MMP15: variants seen among roughly 807,000 people sequenced by gnomAD.
The protein encoded by MMP15 is matrix metallopeptidase 15, also known as matrix metalloproteinase-15.
In MMP15, 36 loss-of-function variants were observed where a neutral mutation model predicts 65.0. The observed-to-expected ratio is 0.55, with a 90% CI of 0.42 to 0.73. The LOEUF is 0.73. Ranked by LOEUF, MMP15 falls within the 30% of genes least tolerant of loss-of-function variation. The pLI, the probability that MMP15 is intolerant of heterozygous loss-of-function variation, is 0.00. For missense variants in MMP15, 870 were observed against 987.8 expected, an observed-to-expected ratio of 0.88 and a Z score of 1.60; for synonymous variants, 428 against 410.2, an observed-to-expected ratio of 1.04 and a Z score of -0.52.
intron 3 of MMP15, among the ~76,000 whole-genome samples, chr16:58,039,216 T>C (rs887843970): frequency 6.6e-6 from 1 of 152,226 alleles, no homozygotes; most frequent in African/African-American, 2.4e-5. Flanking sequence ...GTGGATCAGC[T>C]GAGGTCGGGA....
intron 2 of MMP15, 107 bp downstream of exon 2, chr16:58,037,727 G>C (rs1959362895): frequency 1.3e-6 from 2 of 1,494,380 alleles, no homozygotes; most frequent in African/African-American, 2.8e-5. Context: ...GCCTAGATAA[G>C]AGATGCCAAA....
chr16:58,032,700 G>A (rs1383694302), intron 1 of MMP15, among the ~76,000 whole-genome samples: 1 of 152,186 alleles, frequency 6.6e-6, no homozygotes, highest in Non-Finnish European at 1.5e-5. Context: ...ACAGAGCTGG[G>A]CACAGCCTTG....
At chr16:58,034,671 C>T (rs1959294884) in intron 1 of MMP15, among the ~76,000 whole-genome samples, 1 of 152,202 alleles carries the variant, frequency 6.6e-6, no homozygotes, top group Admixed American at 6.5e-5. Flanking sequence ...CCAAGGGGTG[C>T]CCCCATCCTC....
chr16:58,030,923 T>A (rs527620265), intron 1 of MMP15, among the ~76,000 whole-genome samples: 9 of 152,188 alleles, frequency 5.9e-5, no homozygotes, highest in African/African-American at 1.9e-4. Flanking sequence ...TTCATTGCAT[T>A]TATGTGCAAA....
chr16:58,030,553 C>A (rs1305602543), intron 1 of MMP15, among the ~76,000 whole-genome samples: 1 of 152,178 alleles, frequency 6.6e-6, no homozygotes, highest in Admixed American at 6.5e-5. Context: ...TTAGCCAGCC[C>A]CTGGAGATGC....
chr16:58,026,365 G>T lies in MMP15; in HGVS notation c.15G>T (p.Pro5=). The T allele has an allele frequency of 7.3e-7, 1 of 1,364,574 alleles. No individual in the cohort carries two copies. Among genetic ancestry groups the T allele is most frequent in the Non-Finnish European group, 9.4e-7 (1 of 1,066,506 alleles). The allele number at this position is 1,364,574 out of a possible 1,614,324, so 84.5% of individuals were successfully genotyped here. The change falls in exon 1 of 10, where the codon CCG becomes CCT. Residue 5 remains proline (P), a synonymous_variant. Transcript: ENST00000219271. MGSD[P]SAPGRPGWTG... The stretch of plus-strand genomic sequence containing the variant: ...GCGCCGAGAGCATGGGCAGCGACCC[G>T]AGCGCGCCCGGACGGCCGGGCTGGA...
Position 58,042,272 on chromosome 16 carries a change from C to G in MMP15, c.1206C>G (p.Asp402Glu), listed in dbSNP as rs2142330991. Reference protein sequence around the residue: ...FWRVRHNRVLDNYPMPIGHFW... With the variant: ...FWRVRHNRVLENYPMPIGHFW... Reference sequence around the variant, plus strand: ...GAGTCCGGCACAACCGCGTCCTGGACAACTATCCCATGCCCATCGGGCACT... The same window carrying G: ...GAGTCCGGCACAACCGCGTCCTGGAGAACTATCCCATGCCCATCGGGCACT... Residue 402 changes from aspartate to glutamate, a missense_variant, in exon 7 of 10, where the codon GAC becomes GAG. Physicochemically the swap from Asp to Glu is conservative, Grantham distance 45 (BLOSUM62 2). Transcript: ENST00000219271. The G allele has an allele frequency of 6.2e-7, 1 of 1,614,210 alleles. No individual in the cohort carries two copies. Among genetic ancestry groups the G allele is most frequent in the East Asian group, 2.2e-5 (1 of 44,882 alleles).
Position 58,040,704 on chromosome 16 carries a change from T to C in MMP15, c.910+6T>C, listed in dbSNP as rs755452379. 6.2e-7 allele frequency: 1 copy of C among 1,614,052 alleles called. No individual in the cohort carries two copies. The highest frequency in any genetic ancestry group is 8.5e-7 in the Non-Finnish European group (1 of 1,180,046). ...TGGCATCCAGCAGCTCTACGGTGCGTGGGCTGTGACCAGCGGGCTCTGCAT... is the reference window on the plus strand; with the variant it reads ...TGGCATCCAGCAGCTCTACGGTGCGCGGGCTGTGACCAGCGGGCTCTGCAT... On this transcript the variant is annotated splice_donor_region_variant and intron_variant, in intron 5 of 9. Transcript: ENST00000219271.
At position 58,028,792 on chromosome 16, in the gene MMP15, G is replaced by A. The variant is rs3784903; in HGVS notation, c.162+2280G>A. Among the ~76,000 whole-genome samples, 10 of 152,316 alleles carry A rather than the reference G, an allele frequency of 6.6e-5. No individual in the cohort carries two copies. In the East Asian group the frequency reaches 1.9e-3, roughly 29 times the overall value. The stretch of plus-strand genomic sequence containing the variant: ...ACGAGGCTGAGACATCAAGGAGCCT[G>A]GCATGTGCTAGGAACTGACAAACAC... On this transcript the variant is annotated intron_variant, in intron 1 of 9. Coordinates refer to ENST00000219271, the MANE Select transcript of MMP15 (RefSeq NM_002428.4).
Position 58,040,199 on chromosome 16 carries a change from A to G in MMP15, c.748+17A>G. ...ACCTGCATGGTGAGGACAGCTGGCCAGGGTGAGGGGCAGGGCAGGTGGCCC... is the reference window on the plus strand; with the variant it reads ...ACCTGCATGGTGAGGACAGCTGGCCGGGGTGAGGGGCAGGGCAGGTGGCCC... On this transcript the variant is annotated intron_variant, in intron 4 of 9. Transcript: ENST00000219271. 1 of 1,593,546 alleles carries G rather than the reference A, an allele frequency of 6.3e-7. No homozygotes were observed. Among genetic ancestry groups the G allele is most frequent in the East Asian group, 2.2e-5 (1 of 44,580 alleles).
At chr16:58,037,735 A>G in intron 2 of MMP15, 115 bp downstream of exon 2, 1 of 1,453,760 alleles carries the variant, frequency 6.9e-7, no homozygotes, top group Non-Finnish European at 9.3e-7. Context: ...AAGAGATGCC[A>G]AATGGTTTGG....
Position 58,040,134 on chromosome 16 carries a change from C to A in MMP15, c.700C>A (p.His234Asn). The A allele has an allele frequency of 6.2e-7, 1 of 1,613,402 alleles. No individual in the cohort carries two copies. The highest frequency in any genetic ancestry group is 8.5e-7 in the Non-Finnish European group (1 of 1,180,022). ...FPGPGLGGDT[H>N]FDADEPWTFS... ...TGGCCCCGGCCTAGGCGGGGACACC[C>A]ATTTTGACGCAGATGAGCCCTGGAC... Residue 234 changes from histidine to asparagine, a missense_variant, in exon 4 of 10, where the codon CAT becomes AAT. By Grantham distance (68) the His-to-Asn change is moderately conservative. Coordinates refer to ENST00000219271, the MANE Select transcript of MMP15 (RefSeq NM_002428.4).
At chr16:58,039,530 C>A (rs1427938624) in intron 3 of MMP15, among the ~76,000 whole-genome samples, 1 of 152,350 alleles carries the variant, frequency 6.6e-6, no homozygotes, top group South Asian at 2.1e-4. Flanking sequence ...TCTGCCTGAC[C>A]CTGGAGCTCA....
chr16:58,041,729 T>G lies in MMP15; in HGVS notation c.1023T>G (p.Gly341=). The G allele has an allele frequency of 6.3e-7, 1 of 1,591,688 alleles. No homozygotes were observed. Among genetic ancestry groups the G allele is most frequent in the Non-Finnish European group, 8.6e-7 (1 of 1,169,026 alleles). ...PPRPPQPPPP[G]GKPERPPKPG... ...GGCCTCCCCAGCCACCACCCCCAGGTGGGAAGCCAGAGCGGCCCCCAAAGC... is the reference window on the plus strand; with the variant it reads ...GGCCTCCCCAGCCACCACCCCCAGGGGGGAAGCCAGAGCGGCCCCCAAAGC... Residue 341 remains glycine, a synonymous_variant, in exon 6 of 10, where the codon GGT becomes GGG. Transcript: ENST00000219271.
At chr16:58,032,519 T>C (rs1445995512) in intron 1 of MMP15, among the ~76,000 whole-genome samples, 1 of 152,224 alleles carries the variant, frequency 6.6e-6, no homozygotes, top group Non-Finnish European at 1.5e-5. Context: ...GGCGGGTGGC[T>C]GGGCTTGGTG....
intron 3 of MMP15, among the ~76,000 whole-genome samples, chr16:58,038,864 C>CT (rs2142328604): frequency 6.6e-6 from 1 of 152,316 alleles, no homozygotes; most frequent in African/African-American, 2.4e-5. Flanking sequence ...CAGTCTGGCT[C>CT]TGTCCTGACT....
At chr16:58,040,236 AACAACACCCTGCT>A in intron 4 of MMP15, 54 bp downstream of exon 4, 3 of 1,546,912 alleles carry the variant, frequency 1.9e-6, no homozygotes, top group Non-Finnish European at 2.6e-6. Context: ...GGAGCTGGGC[AACAACACCCTGCT>A]GAGTGGGTTC....
rs114537190 is a variant in MMP15 at position 58,027,144 on chromosome 16, G to A, written c.162+632G>A. Among the ~76,000 whole-genome samples the A allele has an allele frequency of 6.7e-3, 1,022 of 152,336 alleles. 13 individuals are homozygous for A. The highest frequency in any genetic ancestry group is 0.024 in the African/African-American group (978 of 41,586). On this transcript the variant is annotated intron_variant, in intron 1 of 9. Transcript: ENST00000219271. ...GGAAGCCTAGGCACGCCCGGGCGGG[G>A]TCCTAAGGACGGACCCTGCCTCCCA...
chr16:58,037,783 C>T (rs1597064476), intron 2 of MMP15, among the ~76,000 whole-genome samples, 163 bp downstream of exon 2: 2 of 152,074 alleles, frequency 1.3e-5, no homozygotes, highest in African/African-American at 4.8e-5. Flanking sequence ...AGTGGCTGCC[C>T]AAAGCCTTGT....
Sources: gnomAD v4.1 joint callset for allele counts (sites outside exome capture counted in the v4.1 genomes callset) on GRCh38, gnomAD v4.1.1 for gene constraint, MANE v1.5 for transcripts, NCBI Gene and HGNC (gene_info 2026-07-23, HGNC 2026-07-21) for gene names.